QRSL1: variants seen among roughly 807,000 people sequenced by gnomAD.
QRSL1 encodes glutamyl-tRNA(Gln) amidotransferase subunit A, mitochondrial.
A neutral mutation model predicts 61.6 loss-of-function variants in QRSL1; 54 were observed. That is an observed-to-expected ratio of 0.88 (90% confidence interval 0.70 to 1.10). The LOEUF is 1.10. Ranked by LOEUF, QRSL1 falls within the 50% of genes least tolerant of loss-of-function variation. QRSL1 has a pLI of 0.00. For synonymous variants in QRSL1, 228 were observed against 225.7 expected (o/e 1.01, Z -0.09); for missense variants, 505 against 622.6 (o/e 0.81, Z 2.01).
chr6:106,657,683 A>C (rs183803872), intron 9 of QRSL1, among the ~76,000 whole-genome samples: 3 of 152,176 alleles, frequency 2.0e-5, no homozygotes, highest in African/African-American at 7.2e-5. Context: ...TATTTTAAAA[A>C]GTCAACTTAT....
At position 106,640,819 on chromosome 6, in the gene QRSL1, G is replaced by A. The variant is rs780242619; in HGVS notation, c.185-4G>A. ...TTTATCACTCTTTTGGCTTTTTAAT[G>A]CAGGACAGTCACTTGGGGATTTAGA... On this transcript the variant is annotated splice_polypyrimidine_tract_variant and splice_region_variant and intron_variant, in intron 2 of 10. Coordinates refer to ENST00000369046, the MANE Select transcript of QRSL1 (RefSeq NM_018292.5). The A allele has an allele frequency of 6.2e-7, 1 of 1,611,668 alleles. No individual in the cohort carries two copies. The highest frequency in any genetic ancestry group is 8.5e-7 in the Non-Finnish European group (1 of 1,178,324).
At chr6:106,639,494 T>C (rs1776983404) in intron 1 of QRSL1, among the ~76,000 whole-genome samples, 1 of 152,186 alleles carries the variant, frequency 6.6e-6, no homozygotes, top group South Asian at 2.1e-4. Flanking sequence ...TCTTGGAAAA[T>C]ACTCGGTAAA....
intron 1 of QRSL1, among the ~76,000 whole-genome samples, chr6:106,638,453 C>T (rs1390326361): frequency 6.6e-6 from 1 of 152,036 alleles, no homozygotes; most frequent in Non-Finnish European, 1.5e-5. Context: ...TACAGGCATG[C>T]ACCACCACGC....
chr6:106,666,066 C>T lies in QRSL1; in HGVS notation c.*64C>T. On this transcript the variant is annotated 3_prime_UTR_variant, in exon 11 of 11. Coordinates refer to ENST00000369046, the MANE Select transcript of QRSL1 (RefSeq NM_018292.5). ...CAGTGGCTCACACCTGTAATCCCAG[C>T]ACTTTGGGAGGCCAAGGCGAGCGGA... The T allele has an allele frequency of 7.1e-6, 10 of 1,402,816 alleles. No homozygotes were observed. In the South Asian group the frequency reaches 1.2e-4, roughly 17 times the overall value. 86.9% of individuals were successfully genotyped at this position (1,402,816 alleles called of 1,614,324 possible).
chr6:106,649,163 T>C lies in QRSL1; in HGVS notation c.519T>C (p.Gly173=), dbSNP rs556497476. Reference sequence around the variant, plus strand: ...GGCTGATAACTGGAGGAAGCTCAGGTGGGAGTGCAGCTGCTGTATCGGCGT... The same window carrying C: ...GGCTGATAACTGGAGGAAGCTCAGGCGGGAGTGCAGCTGCTGTATCGGCGT... ...SDWLITGGSS[G]GSAAAVSAFT... is the part of the protein sequence containing the mutation. The change falls in exon 5 of 11, where the codon GGT becomes GGC. Residue 173 remains glycine (G), a synonymous_variant. Transcript: ENST00000369046. 8.7e-6 allele frequency: 14 copies of C among 1,614,104 alleles called. No homozygotes were observed. In the African/African-American group the frequency reaches 1.9e-4, roughly 22 times the overall value.
chr6:106,639,341 G>A (rs1776981057), intron 1 of QRSL1, among the ~76,000 whole-genome samples: 1 of 151,784 alleles, frequency 6.6e-6, no homozygotes, highest in Admixed American at 6.6e-5. Context: ...GGCCAGGATG[G>A]TCTCCATCTC....
intron 1 of QRSL1, among the ~76,000 whole-genome samples, chr6:106,633,578 T>C (rs1776870963): frequency 6.6e-6 from 1 of 152,060 alleles, no homozygotes. Context: ...AAATGCCAAA[T>C]AGGTAAAATT....
intron 5 of QRSL1, among the ~76,000 whole-genome samples, chr6:106,651,085 C>T (rs1317898480): frequency 6.6e-6 from 1 of 152,168 alleles, no homozygotes; most frequent in South Asian, 2.1e-4. Context: ...AACCCTCTCC[C>T]AGCCCTGGTA....
At chr6:106,650,594 T>G (rs1171296546) in intron 5 of QRSL1, among the ~76,000 whole-genome samples, 1 of 152,140 alleles carries the variant, frequency 6.6e-6, no homozygotes, top group Non-Finnish European at 1.5e-5. Flanking sequence ...CAATAGCTTT[T>G]AAAATAGGAA....
At position 106,652,367 on chromosome 6, in the gene QRSL1, A is replaced by G; in HGVS notation, c.716A>G (p.Asp239Gly). 1 of 1,614,164 alleles carries G rather than the reference A, an allele frequency of 6.2e-7. No homozygotes were observed. The highest frequency in any genetic ancestry group is 1.7e-5 in the Admixed American group (1 of 60,016). Reference sequence around the variant, plus strand: ...GGAATCTTAACCAGATGTGTGGATGATGCAGCAATTGTGTTGGGTATTTAT... The same window carrying G: ...GGAATCTTAACCAGATGTGTGGATGGTGCAGCAATTGTGTTGGGTATTTAT... ...VPGILTRCVDDAAIVLGALAG... is the reference protein window; with the variant it reads ...VPGILTRCVDGAAIVLGALAG... The change falls in exon 6 of 11, where the codon GAT becomes GGT. Residue 239 changes from aspartate (D) to glycine (G), a missense_variant. Physicochemically the swap from Asp to Gly is moderately conservative, Grantham distance 94. Transcript: ENST00000369046.
At chr6:106,663,306 T>G in intron 10 of QRSL1, 121 bp downstream of exon 10, 1 of 852,708 alleles carries the variant, frequency 1.2e-6, no homozygotes, top group Admixed American at 2.2e-5. Flanking sequence ...TTTGGAATGC[T>G]TAGGAGTGAG....
At chr6:106,643,232 T>C (rs891121264) in intron 4 of QRSL1, 142 bp downstream of exon 4, 23 of 609,158 alleles carry the variant, frequency 3.8e-5, no homozygotes, top group Middle Eastern at 4.0e-4. Context: ...TTAATAGATA[T>C]ATAGTCATCT....
rs1267214443 is a variant in QRSL1, at chr6:106,629,692, G to A, written c.11G>A (p.Arg4Gln). 1 of 1,606,232 alleles carries A rather than the reference G, an allele frequency of 6.2e-7. No individual in the cohort carries two copies. The highest frequency in any genetic ancestry group is 1.7e-5 in the Admixed American group (1 of 59,038). Residue 4 changes from arginine to glutamine, a missense_variant, in exon 1 of 11, where the codon CGG (arginine) becomes CAG (glutamine). Transcript: ENST00000369046. ...CTGGGCACGAGGACCATGCTGGGCC[G>A]GAGCCTCCGAGAAGTGAGTGGAATT... MLGRSLREVSAALK... is the reference protein window; with the variant it reads MLGQSLREVSAALK...
chr6:106,654,684 ATAATC>A, intron 7 of QRSL1, 41 bp from the exon 8 acceptor site: 1 of 1,490,546 alleles, frequency 6.7e-7, no homozygotes, highest in East Asian at 2.3e-5. Flanking sequence ...TTTTTATAAA[ATAATC>A]TATACAGTTC....
At chr6:106,663,294 CT>C (rs1777386730) in intron 10 of QRSL1, 109 bp downstream of exon 10, 1 of 1,004,370 alleles carries the variant, frequency 1.0e-6, no homozygotes, top group East Asian at 2.5e-5. Flanking sequence ...AAAGTCTATC[CT>C]TTTGGAATGC....
chr6:106,650,789 T>A (rs769869627), intron 5 of QRSL1, among the ~76,000 whole-genome samples: 1 of 152,220 alleles, frequency 6.6e-6, no homozygotes, highest in Non-Finnish European at 1.5e-5. Flanking sequence ...TCTGGATGAA[T>A]GCATGTCAGA....
At chr6:106,632,727 C>T (rs576555465) in intron 1 of QRSL1, among the ~76,000 whole-genome samples, 1 of 152,310 alleles carries the variant, frequency 6.6e-6, no homozygotes, top group South Asian at 2.1e-4. Flanking sequence ...AGCACATTTT[C>T]ATATACCAGT....
intron 9 of QRSL1, among the ~76,000 whole-genome samples, chr6:106,661,674 G>T (rs1466832686): frequency 4.4e-5 from 6 of 136,314 alleles, no homozygotes; most frequent in African/African-American, 1.1e-4. Flanking sequence ...TTGTGGAAAA[G>T]AATGGTTAGT....
chr6:106,647,648 A>AT lies in QRSL1; in HGVS notation c.381-1377_381-1376insT, dbSNP rs1336556151. On this transcript the variant is annotated intron_variant, in intron 4 of 10. Transcript: ENST00000369046. ...GGAAGGAGATAAAATGCCATAAAGT[A>AT]CTTTTTTTTTTTTTTTTTTTGAGAT... Among the ~76,000 whole-genome samples the AT allele has an allele frequency of 1.0e-3, 67 of 64,352 alleles. 2 individuals carry two copies. Among genetic ancestry groups the AT allele is most frequent in the South Asian group, 8.6e-3 (16 of 1,868 alleles). The allele number at this position is 64,352 out of a possible 152,430, so 42.2% of individuals were successfully genotyped here.
Sources: allele counts gnomAD v4.1 joint callset (sites outside exome capture counted in the v4.1 genomes callset), GRCh38; gene constraint gnomAD v4.1.1; transcripts MANE v1.5; gene names NCBI Gene and HGNC (gene_info 2026-07-23, HGNC 2026-07-21).